USP54: variants seen among roughly 807,000 people sequenced by gnomAD.
USP54 encodes ubiquitin specific peptidase 54.
USP54 carries 87 observed loss-of-function variants against 170.5 expected under a neutral mutation model. The observed-to-expected ratio is 0.51, with a 90% CI of 0.43 to 0.61. The LOEUF is 0.61. Ranked by LOEUF, USP54 falls within the 20% of genes least tolerant of loss-of-function variation. USP54 has a pLI of 0.00. For synonymous variants in USP54, 655 were observed against 742.8 expected, an observed-to-expected ratio of 0.88 and a Z score of 1.92; for missense variants, 1,786 against 2,047.8, an observed-to-expected ratio of 0.87 and a Z score of 2.47.
chr10:73,570,618 A>C (rs1032915916), intron 4 of USP54, among the ~76,000 whole-genome samples: 4 of 147,870 alleles, frequency 2.7e-5, no homozygotes, highest in African/African-American at 1.0e-4. Context: ...TGGTATGATC[A>C]GAACTGCAGC....
At position 73,517,038 on chromosome 10, in the gene USP54, G is replaced by C. The variant is rs1490811854; in HGVS notation, c.3388C>G (p.Arg1130Gly). ...PEFPSTKGLVRSLAEQFQRMQ... is the reference protein window; with the variant it reads ...PEFPSTKGLVGSLAEQFQRMQ... Reference sequence around the variant, plus strand: ...CTCTGGAACTGCTCAGCCAGAGAACGGACAAGCCCCTTTGTGCTGGGAAAC... The same window carrying C: ...CTCTGGAACTGCTCAGCCAGAGAACCGACAAGCCCCTTTGTGCTGGGAAAC... Residue 1130 changes from arginine (R) to glycine (G), a missense_variant, in exon 20 of 24, where the codon CGT becomes GGT. Coordinates refer to ENST00000687698, the MANE Select transcript of USP54 (RefSeq NM_001391956.1). The C allele has an allele frequency of 1.2e-6, 2 of 1,614,060 alleles. No homozygotes were observed. Among genetic ancestry groups the C allele is most frequent in the South Asian group, 2.2e-5 (2 of 91,088 alleles).
chr10:73,570,629 T>C lies in USP54; in HGVS notation c.240+792A>G, dbSNP rs186090035. 2.7e-3 allele frequency among the ~76,000 whole-genome samples: 415 copies of C among 150,946 alleles called. 4 individuals are homozygous for C. Among genetic ancestry groups the C allele is most frequent in the African/African-American group, 9.9e-3 (406 of 41,196 alleles). On this transcript the variant is annotated intron_variant, in intron 4 of 23. Transcript: ENST00000687698. ...GCAGTGGTATGATCAGAACTGCAGC[T>C]TTTAACTTCTAAGCTCAAGCAATCC... is the stretch of plus-strand genomic sequence containing the variant.
At chr10:73,610,348 G>A (rs939782718) in intron 1 of USP54, among the ~76,000 whole-genome samples, 5 of 152,072 alleles carry the variant, frequency 3.3e-5, no homozygotes, top group Admixed American at 1.3e-4. Flanking sequence ...CAGGCACAGC[G>A]GCTCACACCT....
intron 17 of USP54, 76 bp downstream of exon 17, chr10:73,523,507 C>CTTG: frequency 6.9e-7 from 1 of 1,443,740 alleles, no homozygotes; most frequent in Non-Finnish European, 9.2e-7. Context: ...AGACAGGGAA[C>CTTG]TTACAAGCTT....
At chr10:73,548,228 A>G (rs562967037) in intron 4 of USP54, among the ~76,000 whole-genome samples, 1 of 152,260 alleles carries the variant, frequency 6.6e-6, no homozygotes, top group East Asian at 1.9e-4. Context: ...AAGTCAGGAA[A>G]CAACAGATGC....
At position 73,541,360 on chromosome 10, in the gene USP54, G is replaced by A; in HGVS notation, c.825+15C>T. On this transcript the variant is annotated intron_variant, in intron 9 of 23. Coordinates refer to ENST00000687698, the MANE Select transcript of USP54 (RefSeq NM_001391956.1). The stretch of plus-strand genomic sequence containing the variant: ...CAAGAACTCAAAGTGAGAGATAAAG[G>A]TAACTAACACGCACATCACCCAGCT... 6.2e-7 allele frequency: 1 copy of A among 1,613,702 alleles called. No individual in the cohort carries two copies. The highest frequency in any genetic ancestry group is 1.3e-5 in the African/African-American group (1 of 75,012).
upstream of USP54, among the ~76,000 whole-genome samples, chr10:73,591,911 C>T (rs1043947588): frequency 1.3e-5 from 2 of 152,152 alleles, no homozygotes; most frequent in East Asian, 1.9e-4. Flanking sequence ...ACTCCTCCAA[C>T]TGTCTTAAAC....
At chr10:73,602,481 A>C (rs576734249) in intron 1 of USP54, among the ~76,000 whole-genome samples, 37 of 151,866 alleles carry the variant, frequency 2.4e-4, no homozygotes, top group African/African-American at 8.2e-4. Context: ...TGAACCCAGG[A>C]GGCAGAGCTT....
At chr10:73,585,217 G>GA (rs1449021647) in intron 1 of USP54, among the ~76,000 whole-genome samples, 2 of 152,024 alleles carry the variant, frequency 1.3e-5, no homozygotes, top group Non-Finnish European at 2.9e-5. Flanking sequence ...AATTAAGAGG[G>GA]AAAAAAATCA....
At chr10:73,534,490 G>A in intron 12 of USP54, 110 bp downstream of exon 12, 7 of 1,316,110 alleles carry the variant, frequency 5.3e-6, no homozygotes, top group Non-Finnish European at 7.2e-6. Context: ...CTCCCAAAGT[G>A]CTGGGATTAC....
At chr10:73,523,363 TA>T (rs2133337994) in intron 17 of USP54, among the ~76,000 whole-genome samples, 1 of 152,362 alleles carries the variant, frequency 6.6e-6, no homozygotes, top group South Asian at 2.1e-4. Context: ...ATACTATCTC[TA>T]ATCTATAGGC....
chr10:73,559,051 G>A (rs919536383), intron 4 of USP54, among the ~76,000 whole-genome samples: 6 of 151,954 alleles, frequency 3.9e-5, no homozygotes, highest in East Asian at 1.9e-4. Flanking sequence ...GTTCAAACCC[G>A]TGTTGTTCAA....
At position 73,498,961 on chromosome 10, in the gene USP54, T is replaced by G; in HGVS notation, c.4723A>C (p.Arg1575=). Residue 1575 remains arginine (R), a synonymous_variant, in exon 24 of 24, where the codon AGA becomes CGA. Transcript: ENST00000687698. ...TGAGGAACCTGAAGGCCCTTGCTTCTTTCTGGTAGTGTGGCAGTGTAGGTT... is the reference window on the plus strand; with the variant it reads ...TGAGGAACCTGAAGGCCCTTGCTTCGTTCTGGTAGTGTGGCAGTGTAGGTT... ...QLTYTATLPE[R]SKGLQVPHTQ... 6.2e-7 allele frequency: 1 copy of G among 1,614,126 alleles called. No homozygotes were observed. Among genetic ancestry groups the G allele is most frequent in the Non-Finnish European group, 8.5e-7 (1 of 1,180,028 alleles).
At chr10:73,589,866 G>A (rs1026635678) in intron 1 of USP54, among the ~76,000 whole-genome samples, 1 of 152,136 alleles carries the variant, frequency 6.6e-6, no homozygotes, top group Non-Finnish European at 1.5e-5. Flanking sequence ...GTGAAGGGAT[G>A]AGAAGGAATG....
At chr10:73,595,937 C>A (rs1242947076), upstream of USP54, among the ~76,000 whole-genome samples, 1 of 151,784 alleles carries the variant, frequency 6.6e-6, no homozygotes, top group Non-Finnish European at 1.5e-5. Flanking sequence ...TGGTGAAAAA[C>A]CCGTCTTGAC....
rs773824047 is a variant in USP54 at position 73,504,962 on chromosome 10, T to A, written c.4199A>T (p.Glu1400Val). ...ACTGTACTGCTCATCCTCCCCACACTCCCTGCTGAGGCCTCGGCAAGGTGT... is the reference window on the plus strand; with the variant it reads ...ACTGTACTGCTCATCCTCCCCACACACCCTGCTGAGGCCTCGGCAAGGTGT... ...QATPCRGLSR[E>V]CGEDEQYSAE... The change falls in exon 22 of 24, where the codon GAG (glutamate) becomes GTG (valine). Residue 1400 changes from glutamate to valine, a missense_variant. Coordinates refer to ENST00000687698, the MANE Select transcript of USP54 (RefSeq NM_001391956.1). 3 of 1,613,910 alleles carry A rather than the reference T, an allele frequency of 1.9e-6. No homozygotes were observed. In the South Asian group the frequency reaches 3.3e-5, roughly 18 times the overall value.
intron 4 of USP54, among the ~76,000 whole-genome samples, chr10:73,567,564 C>T (rs903678097): frequency 2.0e-5 from 3 of 151,930 alleles, no homozygotes; most frequent in South Asian, 2.1e-4. Flanking sequence ...CCCAGCTACT[C>T]GGGAGGCTGA....
chr10:73,527,894 T>G (rs185522551), intron 15 of USP54, among the ~76,000 whole-genome samples: 1 of 151,766 alleles, frequency 6.6e-6, no homozygotes, highest in East Asian at 1.9e-4. Context: ...AAATAACATT[T>G]GGGCTTCTTC....
chr10:73,501,485 C>G (rs1447951197), intron 22 of USP54, among the ~76,000 whole-genome samples: 2 of 152,186 alleles, frequency 1.3e-5, no homozygotes, highest in Admixed American at 1.3e-4. Flanking sequence ...CCTCCTGGCA[C>G]CTCATTTTCC....
Sources: allele counts gnomAD v4.1 joint callset (sites outside exome capture counted in the v4.1 genomes callset), GRCh38; gene constraint gnomAD v4.1.1; transcripts MANE v1.5; gene names NCBI Gene and HGNC (gene_info 2026-07-23, HGNC 2026-07-21).